The following WDR47 variants were observed in gnomAD, a reference collection of about 807,000 sequenced individuals.
WDR47 encodes the protein WD repeat domain 47.
Under a neutral mutation model 97.2 loss-of-function variants are expected in WDR47, and 32 were observed. The observed-to-expected ratio is 0.33, with a 90% CI of 0.25 to 0.44. The LOEUF is 0.44. Ranked by LOEUF, WDR47 falls within the 20% of genes least tolerant of loss-of-function variation. The probability of loss-of-function intolerance (pLI) is 1.00; values close to 1 mark genes in which losing one functional copy is unlikely to be tolerated. For synonymous variants in WDR47, 375 were observed against 373.5 expected (o/e 1.00, Z -0.05); for missense variants, 782 against 1,102.3 (o/e 0.71, Z 4.11).
chr1:108,974,441 A>G, intron 14 of WDR47, 95 bp downstream of exon 14: 1 of 902,370 alleles, frequency 1.1e-6, no homozygotes, highest in South Asian at 1.8e-5. Context: ...AAATAATTGA[A>G]AGTATTATAT....
At position 108,970,485 on chromosome 1, in the gene WDR47, C is replaced by T. The variant is rs563143377; in HGVS notation, c.*945G>A. Reference sequence around the variant, plus strand: ...AATCATTATTCTGCATTACACAAAACAGTGCAAGAAAAAAATCCAAATAAG... The same window carrying T: ...AATCATTATTCTGCATTACACAAAATAGTGCAAGAAAAAAATCCAAATAAG... On this transcript the variant is annotated 3_prime_UTR_variant, in exon 15 of 15. Transcript: ENST00000369962. 52 of 152,642 alleles carry T rather than the reference C, an allele frequency of 3.4e-4. 1 individual carries two copies. The highest frequency in any genetic ancestry group is 1.2e-3 in the African/African-American group (50 of 41,546). 9.5% of individuals were successfully genotyped at this position (152,642 alleles called of 1,614,324 possible).
chr1:108,976,597 T>C (rs944366858), intron 13 of WDR47, among the ~76,000 whole-genome samples: 11 of 152,100 alleles, frequency 7.2e-5, no homozygotes, highest in South Asian at 4.1e-4. Flanking sequence ...TTAAAATCTA[T>C]TGGAGGAGGT....
intron 1 of WDR47, among the ~76,000 whole-genome samples, chr1:109,035,642 C>G (rs765096704): frequency 6.6e-6 from 1 of 151,536 alleles, no homozygotes; most frequent in Admixed American, 6.6e-5. Context: ...GGATTACAGG[C>G]GCCCACCACC....
At chr1:108,992,859 A>C in intron 8 of WDR47, 5 of 1,322,228 alleles carry the variant, frequency 3.8e-6, no homozygotes, top group Non-Finnish European at 5.3e-6. Context: ...AATAAATGTA[A>C]TTAAAAGGAA....
intron 13 of WDR47, among the ~76,000 whole-genome samples, chr1:108,978,146 C>T (rs1461415357): frequency 6.7e-6 from 1 of 150,372 alleles, no homozygotes; most frequent in Non-Finnish European, 1.5e-5. Flanking sequence ...TTACAGTGTC[C>T]CGTAAATAAA....
At position 108,990,088 on chromosome 1, in the gene WDR47, G is replaced by A. The variant is rs189405752; in HGVS notation, c.1767+1166C>T. Among the ~76,000 whole-genome samples, 25 of 152,246 alleles carry A rather than the reference G, an allele frequency of 1.6e-4. No homozygotes were observed. The East Asian group carries it at 4.0e-3, about 25-fold the overall frequency. The stretch of plus-strand genomic sequence containing the variant: ...GCTTTTCTTGAAAATCAGGTCAGGT[G>A]CAGTGCCTCCCACCTGTAATCCTGG... On this transcript the variant is annotated intron_variant, in intron 9 of 14. Transcript: ENST00000369962.
At chr1:108,992,896 G>C in intron 8 of WDR47, 1 of 1,239,884 alleles carries the variant, frequency 8.1e-7, no homozygotes, top group Non-Finnish European at 1.1e-6. Context: ...ATAGAAAATA[G>C]AGGTGAGGAA....
Position 108,971,547 on chromosome 1 carries a change from G to T in WDR47, c.2643C>A (p.Ile881=), listed in dbSNP as rs369732065. 7 of 1,614,048 alleles carry T rather than the reference G, an allele frequency of 4.3e-6. No individual in the cohort carries two copies. The East Asian group carries it at 1.3e-4, about 31-fold the overall frequency. Residue 881 remains isoleucine (I), a synonymous_variant, in exon 15 of 15, where the codon ATC becomes ATA. Coordinates refer to ENST00000369962, the MANE Select transcript of WDR47 (RefSeq NM_001142551.2). The part of the protein sequence containing the change: ...LQGDLTKQLP[I]MVVGEHKDKV... Reference sequence around the variant, plus strand: ...TGTCCTTGTGCTCCCCCACCACCATGATAGGAAGCTGCTTGGTGAGGTCCC... The same window carrying T: ...TGTCCTTGTGCTCCCCCACCACCATTATAGGAAGCTGCTTGGTGAGGTCCC...
At chr1:108,977,766 T>TG (rs1658029068) in intron 13 of WDR47, among the ~76,000 whole-genome samples, 1 of 151,964 alleles carries the variant, frequency 6.6e-6, no homozygotes, top group Non-Finnish European at 1.5e-5. Flanking sequence ...AGGCAGAGGT[T>TG]GCAGTGAGCT....
Position 109,004,700 on chromosome 1 carries a change from A to C in WDR47, c.1146T>G (p.Asp382Glu), listed in dbSNP as rs1249912484. The change falls in exon 6 of 15, where the codon GAT (aspartate) becomes GAG (glutamate). Residue 382 changes from aspartate (D) to glutamate (E), a missense_variant. Physicochemically the swap from Asp to Glu is conservative, Grantham distance 45. Around this residue, in one of 3 missense-constraint regions of WDR47, gnomAD observed 428 missense variants for 584.3 expected, o/e 0.73. Transcript: ENST00000369962. ...EESPERDTPV[D>E]AQRPIGSEIL... ...TTTCACTGCCGATAGGCCTCTGTGC[A>C]TCAACAGGTGTATCACTTCTTCCAG... 7.5e-6 allele frequency: 12 copies of C among 1,607,486 alleles called. No individual in the cohort carries two copies. Among genetic ancestry groups the C allele is most frequent in the East Asian group, 2.2e-5 (1 of 44,614 alleles).
intron 1 of WDR47, among the ~76,000 whole-genome samples, chr1:109,029,673 AAATAAATAAAT>A (rs1557963146): frequency 3.2e-4 from 25 of 78,252 alleles, no homozygotes; most frequent in African/African-American, 1.4e-3. Flanking sequence ...CTCTGTCTCT[AAATAAATAAAT>A]AAATAAATAA....
In WDR47 at chr1:109,027,570, C is replaced by T. The variant is rs568038822; in HGVS notation, c.-9-4049G>A. Among the ~76,000 whole-genome samples, 47 of 152,082 alleles carry T rather than the reference C, an allele frequency of 3.1e-4. 2 individuals are homozygous for T. The East Asian group carries it at 7.7e-3, about 25-fold the overall frequency. On this transcript the variant is annotated intron_variant, in intron 1 of 14. Transcript: ENST00000369962. ...ATGGAGTCTTGCTCTGTCACCCAGG[C>T]AAGAGTGCAGTGGTGCAATCTCGGT...
chr1:109,002,280 C>G lies in WDR47; in HGVS notation c.1377G>C (p.Val459=). 2 of 1,612,270 alleles carry G rather than the reference C, an allele frequency of 1.2e-6. No homozygotes were observed. Among genetic ancestry groups the G allele is most frequent in the Non-Finnish European group, 1.7e-6 (2 of 1,179,772 alleles). The change falls in exon 7 of 15, where the codon GTG becomes GTC. Residue 459 remains valine, a synonymous_variant. Coordinates refer to ENST00000369962, the MANE Select transcript of WDR47 (RefSeq NM_001142551.2). ...GCTGATCAGGACCATCCTCCTGATT[C>G]ACGCCTCCTTCAAGCAACATCTGTT... ...IYQQMLLEGG[V]NQEDGPDQQQ...
At chr1:108,986,252 A>C (rs1285013284) in intron 10 of WDR47, among the ~76,000 whole-genome samples, 1 of 152,152 alleles carries the variant, frequency 6.6e-6, no homozygotes, top group Non-Finnish European at 1.5e-5. Flanking sequence ...AAAACAAAAT[A>C]CAAAAGCCAT....
intron 4 of WDR47, 59 bp downstream of exon 4, chr1:109,013,782 A>G (rs773196245): frequency 7.6e-6 from 12 of 1,571,794 alleles, no homozygotes; most frequent in Non-Finnish European, 1.0e-5. Context: ...TTTAGTGACT[A>G]AAATACTTAT....
chr1:108,977,633 C>T (rs996931844), intron 13 of WDR47, among the ~76,000 whole-genome samples: 2 of 152,122 alleles, frequency 1.3e-5, no homozygotes, highest in Non-Finnish European at 2.9e-5. Context: ...GGGCAGATCA[C>T]CTGAGGTCAG....
At chr1:109,002,066 C>T (rs1238005719) in intron 7 of WDR47, among the ~76,000 whole-genome samples, 158 bp downstream of exon 7, 3 of 152,124 alleles carry the variant, frequency 2.0e-5, no homozygotes, top group East Asian at 3.8e-4. Flanking sequence ...GATGAGCCCT[C>T]GGAATGCTGT....
At chr1:108,994,791 AT>A (rs1465347357) in intron 8 of WDR47, among the ~76,000 whole-genome samples, 1 of 152,194 alleles carries the variant, frequency 6.6e-6, no homozygotes, top group Non-Finnish European at 1.5e-5. Flanking sequence ...CAAAACAACT[AT>A]TATGAAAGCT....
chr1:108,971,467 G>A lies in WDR47; in HGVS notation c.2723C>T (p.Ala908Val). Residue 908 changes from alanine (A) to valine (V), a missense_variant, in exon 15 of 15, where the codon GCA becomes GTA. Ala to Val is a moderately conservative substitution (Grantham distance 64). Around this residue, in one of 3 missense-constraint regions of WDR47, gnomAD observed 228 missense variants for 396.7 expected, o/e 0.57. Transcript: ENST00000369962. Reference sequence around the variant, plus strand: ...AGTCCAGAGGGTGACAGTTCTATCTGCAGAGGATGACAGGAAGGAAAGATC... The same window carrying A: ...AGTCCAGAGGGTGACAGTTCTATCTACAGAGGATGACAGGAAGGAAAGATC... Reference protein sequence around the residue: ...TQDLSFLSSSADRTVTLWTYN... With the variant: ...TQDLSFLSSSVDRTVTLWTYN... 6.2e-7 allele frequency: 1 copy of A among 1,614,170 alleles called. No homozygotes were observed. Among genetic ancestry groups the A allele is most frequent in the Non-Finnish European group, 8.5e-7 (1 of 1,180,022 alleles).
Sources: allele counts gnomAD v4.1 joint callset (sites outside exome capture counted in the v4.1 genomes callset), GRCh38; gene constraint gnomAD v4.1.1; regional missense constraint gnomAD v4.1.1; transcripts MANE v1.5; gene names NCBI Gene and HGNC (gene_info 2026-07-23, HGNC 2026-07-21).